SOX5: variants seen among roughly 807,000 people sequenced by gnomAD.
SOX5 encodes transcription factor SOX-5.
SOX5 carries 9 observed loss-of-function variants against 92.0 expected under a neutral mutation model. The ratio of observed to expected loss-of-function variants is 0.10; its 90% confidence interval spans 0.06 to 0.17. The LOEUF is 0.17. SOX5 is among the 10% of genes least tolerant of loss of function. The pLI, the probability that SOX5 is intolerant of heterozygous loss-of-function variation, is 1.00. For synonymous variants in SOX5, 344 were observed against 336.3 expected, an observed-to-expected ratio of 1.02 and a Z score of -0.25; for missense variants, 642 against 944.5, an observed-to-expected ratio of 0.68 and a Z score of 4.20.
chr12:23,543,441 C>T, intron 12 of SOX5, 57 bp from the exon 13 acceptor site: 1 of 1,331,718 alleles, frequency 7.5e-7, no homozygotes, highest in Non-Finnish European at 1.1e-6. Flanking sequence ...AGCTCTTTTC[C>T]TTGCATTCCT....
At chr12:23,920,946 C>T (rs1488374403) in intron 1 of SOX5, among the ~76,000 whole-genome samples, 1 of 152,136 alleles carries the variant, frequency 6.6e-6, no homozygotes, top group Non-Finnish European at 1.5e-5. Context: ...CTACTATTTA[C>T]ACTATAAACT....
chr12:23,970,841 A>ATATATATATTTTTTTTTTTTTTT lies in SOX5; in HGVS notation c.-1-74818_-1-74817insAAAAAAAAAAAAAAATATATATA. 3.9e-3 allele frequency among the ~76,000 whole-genome samples: 86 copies of ATATATATATTTTTTTTTTTTTTT among 21,878 alleles called. 9 individuals carry two copies. The highest frequency in any genetic ancestry group is 6.3e-3 in the Non-Finnish European group (61 of 9,704). 14.4% of individuals were successfully genotyped at this position (21,878 alleles called of 152,430 possible). On this transcript the variant is annotated intron_variant, in intron 4 of 4. Transcript: ENST00000446891. ...ACATGGGACTTTATATATATATATA[A>ATATATATATTTTTTTTTTTTTTT]TTTTTTTTTTTTTTTAAGAAATGGG...
intron 4 of SOX5, among the ~76,000 whole-genome samples, chr12:24,206,719 T>C (rs958920837): frequency 1.3e-5 from 2 of 152,226 alleles, no homozygotes; most frequent in Non-Finnish European, 2.9e-5. Flanking sequence ...CATCAGCACC[T>C]GATCTCTCCC....
intron 4 of SOX5, among the ~76,000 whole-genome samples, chr12:24,048,954 C>G (rs1446542790): frequency 6.6e-6 from 1 of 151,922 alleles, no homozygotes; most frequent in Non-Finnish European, 1.5e-5. Flanking sequence ...ATGTTTGCAC[C>G]ACTCCATGAA....
intron 3 of SOX5, among the ~76,000 whole-genome samples, chr12:24,263,544 A>AAAAAAAAAAAC (rs1565781795): frequency 2.7e-5 from 4 of 149,516 alleles, no homozygotes; most frequent in Admixed American, 6.6e-5. Context: ...AAAAAAACAA[A>AAAAAAAAAAAC]AAAAAAAACA....
chr12:23,696,408 A>T (rs1354590025), intron 6 of SOX5, among the ~76,000 whole-genome samples: 1 of 152,128 alleles, frequency 6.6e-6, no homozygotes, highest in African/African-American at 2.4e-5. Flanking sequence ...TATGGGTATA[A>T]AGTTTTTCAT....
intron 2 of SOX5, among the ~76,000 whole-genome samples, chr12:23,854,372 T>C (rs989610498): frequency 1.3e-5 from 2 of 151,996 alleles, no homozygotes; most frequent in Admixed American, 6.6e-5. Context: ...GTTAAGAAAC[T>C]GGAGGCAGAA....
intron 4 of SOX5, among the ~76,000 whole-genome samples, chr12:23,747,865 T>C (rs2094044388): frequency 6.6e-6 from 1 of 151,754 alleles, no homozygotes; most frequent in African/African-American, 2.4e-5. Context: ...GCAGCTCCCA[T>C]GTGCCTCATA....
intron 2 of SOX5, among the ~76,000 whole-genome samples, chr12:24,314,570 AATT>A (rs899032555): frequency 1.3e-5 from 2 of 152,200 alleles, no homozygotes; most frequent in African/African-American, 4.8e-5. Context: ...CATAAAAAAA[AATT>A]ATAACAGTTC....
chr12:23,901,671 T>G (rs2097234986), intron 1 of SOX5, among the ~76,000 whole-genome samples: 1 of 152,226 alleles, frequency 6.6e-6, no homozygotes, highest in South Asian at 2.1e-4. Context: ...TATTTTACAC[T>G]TATTTGTTTA....
intron 3 of SOX5, among the ~76,000 whole-genome samples, chr12:23,781,025 T>C (rs2095268030): frequency 6.6e-6 from 1 of 152,006 alleles, no homozygotes; most frequent in Admixed American, 6.6e-5. Context: ...TATAAAAGAT[T>C]ATTAACCACT....
At chr12:24,267,820 C>T (rs1290447694) in intron 3 of SOX5, among the ~76,000 whole-genome samples, 1 of 152,128 alleles carries the variant, frequency 6.6e-6, no homozygotes, top group Non-Finnish European at 1.5e-5. Context: ...GATGCTTATG[C>T]AATTGTTATT....
intron 1 of SOX5, among the ~76,000 whole-genome samples, chr12:24,377,443 A>G (rs551474892): frequency 6.6e-6 from 1 of 152,330 alleles, no homozygotes; most frequent in East Asian, 1.9e-4. Flanking sequence ...TAACATAACC[A>G]TTTCTGAAAC....
At chr12:24,327,575 C>G (rs1950853363) in intron 2 of SOX5, among the ~76,000 whole-genome samples, 1 of 150,984 alleles carries the variant, frequency 6.6e-6, no homozygotes, top group Non-Finnish European at 1.5e-5. Flanking sequence ...GCCACCATGC[C>G]CAGCTAATTT....
intron 2 of SOX5, among the ~76,000 whole-genome samples, chr12:23,871,937 A>G (rs956622260): frequency 2.0e-5 from 3 of 151,572 alleles, no homozygotes; most frequent in Non-Finnish European, 4.4e-5. Flanking sequence ...AGAATACTTG[A>G]GAGTACAACA....
intron 4 of SOX5, among the ~76,000 whole-genome samples, chr12:24,115,686 C>T (rs1947911567): frequency 6.6e-6 from 1 of 152,138 alleles, no homozygotes; most frequent in Admixed American, 6.6e-5. Context: ...TAATTACAAA[C>T]TTCATCATGA....
At chr12:24,033,455 G>C (rs1451383883) in intron 4 of SOX5, among the ~76,000 whole-genome samples, 3 of 151,822 alleles carry the variant, frequency 2.0e-5, no homozygotes, top group Non-Finnish European at 4.4e-5. Flanking sequence ...AAAAAATAAA[G>C]TTTCTAGGCT....
At chr12:24,373,993 G>A (rs186746592) in intron 1 of SOX5, among the ~76,000 whole-genome samples, 1 of 152,286 alleles carries the variant, frequency 6.6e-6, no homozygotes, top group African/African-American at 2.4e-5. Context: ...AGAGTAAAAA[G>A]CAGTGAAGAT....
chr12:23,833,753 AG>A lies in SOX5; in HGVS notation c.481+12229del, dbSNP rs1319083190. 9.9e-5 allele frequency among the ~76,000 whole-genome samples: 15 copies of A among 152,148 alleles called. No individual in the cohort carries two copies. The East Asian group carries it at 2.9e-3, about 29-fold the overall frequency. On this transcript the variant is annotated intron_variant, in intron 3 of 14. Transcript: ENST00000451604. ...AATGATCTTACAATTCAATAAGGAT[AG>A]GGGTATACATGTCAGAAGATTGGAG...
Sources: gnomAD v4.1 joint callset for allele counts (sites outside exome capture counted in the v4.1 genomes callset) on GRCh38, gnomAD v4.1.1 for gene constraint, MANE v1.5 for transcripts, NCBI Gene and HGNC (gene_info 2026-07-23, HGNC 2026-07-21) for gene names.